CARM1: variants seen among roughly 807,000 people sequenced by gnomAD.
CARM1 encodes coactivator associated arginine methyltransferase 1, also known as histone-arginine methyltransferase CARM1.
In CARM1, 14 loss-of-function variants were observed where a neutral mutation model predicts 72.7. The observed-to-expected ratio is 0.19, with a 90% CI of 0.13 to 0.30. The LOEUF is 0.30. CARM1 is among the 10% of genes least tolerant of loss of function. The pLI, the probability that CARM1 is intolerant of heterozygous loss-of-function variation, is 1.00. For synonymous variants in CARM1, 333 were observed against 345.5 expected, an observed-to-expected ratio of 0.96 and a Z score of 0.40; for missense variants, 432 against 833.7, an observed-to-expected ratio of 0.52 and a Z score of 5.93.
At chr19:10,889,117 C>T (rs1316857652) in intron 1 of CARM1, among the ~76,000 whole-genome samples, 2 of 152,178 alleles carry the variant, frequency 1.3e-5, no homozygotes, top group African/African-American at 4.8e-5. Flanking sequence ...ATTGAGTGCT[C>T]TGTCTCCTGA....
intron 1 of CARM1, among the ~76,000 whole-genome samples, chr19:10,890,320 T>A (rs1030355685): frequency 4.7e-5 from 7 of 150,060 alleles, no homozygotes; most frequent in Non-Finnish European, 1.0e-4. Context: ...CAGGCTGGAG[T>A]GCAGTGGCGC....
chr19:10,879,325 C>A (rs967764151), intron 1 of CARM1, among the ~76,000 whole-genome samples: 1 of 152,210 alleles, frequency 6.6e-6, no homozygotes, highest in Non-Finnish European at 1.5e-5. Context: ...ATGATCACTG[C>A]CAGCTGCAAG....
At position 10,912,234 on chromosome 19, in the gene CARM1, C is replaced by T. The variant is rs998984299; in HGVS notation, c.609C>T (p.Ala203=). ...CTGGGATCCTGTCGTTTTTTGCCGCCCAAGCTGGAGCACGGAAAATCTACG... is the reference window on the plus strand; with the variant it reads ...CTGGGATCCTGTCGTTTTTTGCCGCTCAAGCTGGAGCACGGAAAATCTACG... The part of the protein sequence containing the change: ...CGSGILSFFA[A]QAGARKIYAV... The change falls in exon 5 of 16, where the codon GCC becomes GCT. Residue 203 remains alanine (A), a synonymous_variant. Coordinates refer to ENST00000327064, the MANE Select transcript of CARM1 (RefSeq NM_199141.2). The surrounding 1 kb of genome is among the most constrained non-coding windows in gnomAD (Gnocchi z 4.5). 6.2e-7 allele frequency: 1 copy of T among 1,614,122 alleles called. No homozygotes were observed. Among genetic ancestry groups the T allele is most frequent in the South Asian group, 1.1e-5 (1 of 91,086 alleles).
At chr19:10,874,440 G>A (rs1488033138) in intron 1 of CARM1, among the ~76,000 whole-genome samples, 7 of 149,876 alleles carry the variant, frequency 4.7e-5, no homozygotes, top group Admixed American at 2.7e-4. Flanking sequence ...TGCTCAGACT[G>A]GAGTGCAGTG....
At chr19:10,917,769 G>A (rs2074210130) in intron 8 of CARM1, among the ~76,000 whole-genome samples, 2 of 146,376 alleles carry the variant, frequency 1.4e-5, no homozygotes, top group Non-Finnish European at 3.0e-5. Flanking sequence ...CCAGGCTGGA[G>A]TGCTGTGGCA....
intron 6 of CARM1, among the ~76,000 whole-genome samples, chr19:10,914,864 T>G (rs1340371667): frequency 6.6e-6 from 1 of 152,182 alleles, no homozygotes; most frequent in Non-Finnish European, 1.5e-5. Flanking sequence ...CCTGGGTGAC[T>G]GTTTCTATTT....
Position 10,920,006 on chromosome 19 carries a change from T to C in CARM1, c.1196+40T>C, listed in dbSNP as rs979769360. The C allele has an allele frequency of 1.2e-5, 18 of 1,495,682 alleles. No individual in the cohort carries two copies. The Admixed American group carries it at 2.7e-4, about 23-fold the overall frequency. The allele number at this position is 1,495,682 out of a possible 1,614,324, so 92.7% of individuals were successfully genotyped here. On this transcript the variant is annotated intron_variant, in intron 10 of 15. Coordinates refer to ENST00000327064, the MANE Select transcript of CARM1 (RefSeq NM_199141.2). This position sits in a 1 kb window ranked among gnomAD's most constrained non-coding sequence, Gnocchi z 5.3. Reference sequence around the variant, plus strand: ...GCAGCCCATGCTGCCTCCTCCCCACTCCCAGGGCTTCCTGCAGCTGCAACC... The same window carrying C: ...GCAGCCCATGCTGCCTCCTCCCCACCCCCAGGGCTTCCTGCAGCTGCAACC...
intron 1 of CARM1, among the ~76,000 whole-genome samples, chr19:10,876,647 A>T (rs540824055): frequency 6.6e-6 from 1 of 152,238 alleles, no homozygotes; most frequent in Non-Finnish European, 1.5e-5. Flanking sequence ...TACGTCCATG[A>T]GATTGGCCAA....
At chr19:10,886,675 A>G (rs1336300102) in intron 1 of CARM1, among the ~76,000 whole-genome samples, 2 of 152,038 alleles carry the variant, frequency 1.3e-5, no homozygotes, top group Non-Finnish European at 2.9e-5. Flanking sequence ...AAAAATACAA[A>G]AAAAATTTAG....
In CARM1 at chr19:10,921,246, C is replaced by T; in HGVS notation, c.1615+119C>T. 2.8e-6 allele frequency: 4 copies of T among 1,427,462 alleles called. No homozygotes were observed. The South Asian group carries it at 4.7e-5, about 17-fold the overall frequency. The allele number at this position is 1,427,462 out of a possible 1,614,324, so 88.4% of individuals were successfully genotyped here. A position where few individuals can be genotyped will look rare whatever the true frequency, so the allele number is the denominator to read the frequency against. On this transcript the variant is annotated intron_variant, in intron 14 of 15. Transcript: ENST00000327064. ...CTTGGTCCTTTCACCTTTTCCTCTTCCTGGGGGCTCTCGGCCGAGGCTCTC... is the reference window on the plus strand; with the variant it reads ...CTTGGTCCTTTCACCTTTTCCTCTTTCTGGGGGCTCTCGGCCGAGGCTCTC...
Position 10,909,148 on chromosome 19 carries a change from G to A in CARM1, c.499G>A (p.Val167Met), listed in dbSNP as rs745964402. 9.3e-6 allele frequency: 15 copies of A among 1,613,732 alleles called. No homozygotes were observed. The South Asian group carries it at 9.9e-5, about 11-fold the overall frequency. ...SQQQNMMQDY[V>M]RTGTYQRAIL... ...GCAGCAGAACATGATGCAGGACTAC[G>A]TGCGGACAGGCACCTACCAGCGCGC... Residue 167 changes from valine to methionine, a missense_variant, in exon 4 of 16, where the codon GTG (valine) becomes ATG (methionine). Val to Met is a conservative substitution (Grantham distance 21, BLOSUM62 1). Transcript: ENST00000327064.
At chr19:10,906,999 C>T (rs2074110774) in intron 2 of CARM1, among the ~76,000 whole-genome samples, 1 of 151,548 alleles carries the variant, frequency 6.6e-6, no homozygotes, top group South Asian at 2.1e-4. Context: ...CTCCACCTCC[C>T]GGGTTCAAGT....
At chr19:10,898,089 C>T (rs540172491) in intron 1 of CARM1, among the ~76,000 whole-genome samples, 64 of 146,954 alleles carry the variant, frequency 4.4e-4, no homozygotes, top group Middle Eastern at 7.0e-3. Context: ...GCCTGGGAGA[C>T]AGCGAGACTC....
intron 1 of CARM1, among the ~76,000 whole-genome samples, chr19:10,884,013 G>GTTTTT (rs772915996): frequency 9.9e-6 from 1 of 100,558 alleles, no homozygotes. Context: ...GCGAGACTCT[G>GTTTTT]TTTTTTTTTT....
chr19:10,920,620 G>A lies in CARM1; in HGVS notation c.1335-39G>A. 1 of 1,614,042 alleles carries A rather than the reference G, an allele frequency of 6.2e-7. No individual in the cohort carries two copies. The highest frequency in any genetic ancestry group is 8.5e-7 in the Non-Finnish European group (1 of 1,179,958). Reference sequence around the variant, plus strand: ...GGTGGTGGTGGGCAGGGGTCCATCTGCCCAGCAGCTCATGCCACGGCCTGC... The same window carrying A: ...GGTGGTGGTGGGCAGGGGTCCATCTACCCAGCAGCTCATGCCACGGCCTGC... On this transcript the variant is annotated intron_variant, in intron 11 of 15. Transcript: ENST00000327064. The surrounding 1 kb of genome is among the most constrained non-coding windows in gnomAD (Gnocchi z 5.3).
At chr19:10,918,495 T>A (rs566724407) in intron 8 of CARM1, among the ~76,000 whole-genome samples, 2 of 152,304 alleles carry the variant, frequency 1.3e-5, no homozygotes, top group South Asian at 4.1e-4. Flanking sequence ...AGTGCTGGGA[T>A]TATAGGCATA....
chr19:10,902,316 C>T (rs1381124626), intron 1 of CARM1, among the ~76,000 whole-genome samples: 21 of 109,674 alleles, frequency 1.9e-4, no homozygotes, highest in South Asian at 5.7e-4. Context: ...TTTTTTGAGA[C>T]GGAGTCTTAC....
chr19:10,877,387 A>G (rs1016334054), intron 1 of CARM1, among the ~76,000 whole-genome samples: 1 of 152,158 alleles, frequency 6.6e-6, no homozygotes, highest in Non-Finnish European at 1.5e-5. Flanking sequence ...AATTAGGCCT[A>G]TGGGCCACAT....
chr19:10,907,727 G>A (rs892011), intron 2 of CARM1, among the ~76,000 whole-genome samples: 43,726 of 152,034 alleles, frequency 0.29, 6,511 homozygotes, highest in East Asian at 0.54. Flanking sequence ...CTCCTGGGCC[G>A]GTGGGCGTGT....
Sources: allele counts gnomAD v4.1 joint callset (sites outside exome capture counted in the v4.1 genomes callset), GRCh38; gene constraint gnomAD v4.1.1; non-coding constraint Gnocchi (gnomAD v3.1); transcripts MANE v1.5; gene names NCBI Gene and HGNC (gene_info 2026-07-23, HGNC 2026-07-21).